ISM2: variants seen among roughly 807,000 people sequenced by gnomAD.
ISM2 encodes isthmin 2.
Under a neutral mutation model 58.0 loss-of-function variants are expected in ISM2, and 50 were observed. The observed-to-expected ratio is 0.86, with a 90% confidence interval of 0.69 to 1.09. ISM2 has a LOEUF of 1.09. Among genes scored for constraint, ISM2 ranks in the 50% least tolerant of loss-of-function variants. The probability of loss-of-function intolerance (pLI) is 0.00; values close to 1 mark genes in which losing one functional copy is unlikely to be tolerated. For synonymous variants in ISM2, 303 were observed against 312.4 expected (o/e 0.97, Z 0.32); for missense variants, 723 against 745.0 (o/e 0.97, Z 0.34).
chr14:77,490,619 CAGGCAG>C (rs2079197454), intron 1 of ISM2, among the ~76,000 whole-genome samples: 1 of 152,208 alleles, frequency 6.6e-6, no homozygotes, highest in African/African-American at 2.4e-5. Flanking sequence ...TTGCTAACTC[CAGGCAG>C]TGGCTGCACC....
chr14:77,496,658 G>A (rs536619597), intron 1 of ISM2, among the ~76,000 whole-genome samples: 2 of 151,776 alleles, frequency 1.3e-5, no homozygotes, highest in Non-Finnish European at 2.9e-5. Flanking sequence ...TTAGCCGGGC[G>A]TGGTGGCGTG....
In ISM2 at chr14:77,474,501, A is replaced by G. The variant is rs2079084253; in HGVS notation, c.*1094T>C. The G allele has an allele frequency of 6.6e-6, 1 of 152,232 alleles. No homozygotes were observed. Among genetic ancestry groups the G allele is most frequent in the Admixed American group, 6.5e-5 (1 of 15,274 alleles). The allele number at this position is 152,232 out of a possible 1,614,324, so 9.4% of individuals were successfully genotyped here. On this transcript the variant is annotated 3_prime_UTR_variant, in exon 7 of 7. Transcript: ENST00000342219. ...CTTTTGGTGGCTCTTGTGAACAGAG[A>G]CAGTTGAGACTTCAATATTTCAACC...
chr14:77,475,439 G>A lies in ISM2; in HGVS notation c.*156C>T, dbSNP rs534276128. The A allele has an allele frequency of 2.0e-4, 131 of 664,064 alleles. No individual in the cohort carries two copies. The highest frequency in any genetic ancestry group is 3.0e-4 in the Non-Finnish European group (121 of 406,248). 41.1% of individuals were successfully genotyped at this position (664,064 alleles called of 1,614,324 possible). On this transcript the variant is annotated 3_prime_UTR_variant, in exon 7 of 7. Transcript: ENST00000342219. This position sits in a 1 kb window ranked among gnomAD's most constrained non-coding sequence, Gnocchi z 4.1. ...CTAACCCCACTGAGATATCTGCTTCGGGGTCGCTGGCAGAGGGCACACAGC... is the reference window on the plus strand; with the variant it reads ...CTAACCCCACTGAGATATCTGCTTCAGGGTCGCTGGCAGAGGGCACACAGC...
Position 77,484,578 on chromosome 14 carries a change from G to A in ISM2, c.385-13C>T. 6.2e-7 allele frequency: 1 copy of A among 1,602,814 alleles called. No homozygotes were observed. The highest frequency in any genetic ancestry group is 8.5e-7 in the Non-Finnish European group (1 of 1,174,992). On this transcript the variant is annotated splice_polypyrimidine_tract_variant and intron_variant, in intron 2 of 6. Coordinates refer to ENST00000342219, the MANE Select transcript of ISM2 (RefSeq NM_199296.3). Reference sequence around the variant, plus strand: ...GGGAGGCTGAAGCCTGAGGAAGAGAGAGGGAAGGTGAGGTGACAGGTTAGG... The same window carrying A: ...GGGAGGCTGAAGCCTGAGGAAGAGAAAGGGAAGGTGAGGTGACAGGTTAGG...
chr14:77,492,655 C>T (rs1365357560), intron 1 of ISM2, among the ~76,000 whole-genome samples: 3 of 151,846 alleles, frequency 2.0e-5, no homozygotes, highest in Non-Finnish European at 4.4e-5. Flanking sequence ...GCACTATAGG[C>T]ATGCACTACC....
intron 4 of ISM2, among the ~76,000 whole-genome samples, chr14:77,479,126 G>A (rs1321292802): frequency 1.3e-5 from 2 of 152,072 alleles, no homozygotes; most frequent in African/African-American, 4.8e-5. Context: ...GAGTGCAATG[G>A]TGTGATCATA....
chr14:77,496,213 G>T (rs939190768), intron 1 of ISM2, among the ~76,000 whole-genome samples: 1 of 151,824 alleles, frequency 6.6e-6, no homozygotes, highest in East Asian at 1.9e-4. Flanking sequence ...ATTCAGCCGG[G>T]CATGGTGGCT....
At position 77,496,959 on chromosome 14, in the gene ISM2, G is replaced by A. The variant is rs1004920909; in HGVS notation, c.141+1694C>T. 9.9e-5 allele frequency among the ~76,000 whole-genome samples: 15 copies of A among 151,996 alleles called. No homozygotes were observed. The East Asian group carries it at 2.3e-3, about 24-fold the overall frequency. On this transcript the variant is annotated intron_variant, in intron 1 of 6. Coordinates refer to ENST00000342219, the MANE Select transcript of ISM2 (RefSeq NM_199296.3). ...AGCCAGTCTCCCCATTCCTTCCCAC[G>A]GCCTTTGGAGGGTTTCAGCAGTCTG...
chr14:77,487,684 G>A (rs1192228428), intron 1 of ISM2, among the ~76,000 whole-genome samples: 3 of 152,176 alleles, frequency 2.0e-5, no homozygotes, highest in Non-Finnish European at 2.9e-5. Context: ...ATCTTAGTTT[G>A]GGTTCTCTTG....
At chr14:77,480,295 A>C (rs12894526) in intron 4 of ISM2, among the ~76,000 whole-genome samples, 122,669 of 149,550 alleles carry the variant, frequency 0.82, 51,125 homozygotes, top group East Asian at 0.96. Context: ...ACAGTGAGAC[A>C]CTGTCTCAAA....
Position 77,498,522 on chromosome 14 carries a change from C to T in ISM2, c.141+131G>A, listed in dbSNP as rs1294329793. On this transcript the variant is annotated intron_variant, in intron 1 of 6. Coordinates refer to ENST00000342219, the MANE Select transcript of ISM2 (RefSeq NM_199296.3). ...GGTGTCCGGGAGCTTCCGGCCGGCC[C>T]CGGCCCCTCTCTCCATCGGGGGGTC... The T allele has an allele frequency of 1.1e-5, 15 of 1,333,364 alleles. No homozygotes were observed. In the Admixed American group the frequency reaches 2.4e-4, roughly 21 times the overall value. The allele number at this position is 1,333,364 out of a possible 1,614,324, so 82.6% of individuals were successfully genotyped here.
chr14:77,491,457 C>T (rs1467358533), intron 1 of ISM2, among the ~76,000 whole-genome samples: 3 of 152,188 alleles, frequency 2.0e-5, no homozygotes, highest in East Asian at 1.9e-4. Flanking sequence ...GGCATGACCT[C>T]GGCTCACCGC....
chr14:77,483,510 T>C (rs2079145816), intron 3 of ISM2, among the ~76,000 whole-genome samples: 2 of 149,820 alleles, frequency 1.3e-5, no homozygotes, highest in Non-Finnish European at 3.0e-5. Flanking sequence ...ATCATGCCAT[T>C]GCATTCCAGC....
In ISM2 at chr14:77,498,681, C is replaced by T. The variant is rs927754972; in HGVS notation, c.113G>A (p.Arg38Gln). 1 of 1,479,236 alleles carries T rather than the reference C, an allele frequency of 6.8e-7. No individual in the cohort carries two copies. Among genetic ancestry groups the T allele is most frequent in the East Asian group, 2.9e-5 (1 of 34,072 alleles). 91.6% of individuals were successfully genotyped at this position (1,479,236 alleles called of 1,614,324 possible). Residue 38 changes from arginine to glutamine, a missense_variant, in exon 1 of 7, where the codon CGG (arginine) becomes CAG (glutamine). Transcript: ENST00000342219. Reference protein sequence around the residue: ...PVKKPRLRGPRPGSLTRLAEV... With the variant: ...PVKKPRLRGPQPGSLTRLAEV... Reference sequence around the variant, plus strand: ...TGCGAGCCTCGTGAGGCTCCCAGGCCGTGGTCCGCGGAGCCGCGGCTTCTT... The same window carrying T: ...TGCGAGCCTCGTGAGGCTCCCAGGCTGTGGTCCGCGGAGCCGCGGCTTCTT...
At chr14:77,484,139 A>C in intron 3 of ISM2, 184 bp downstream of exon 3, 1 of 705,312 alleles carries the variant, frequency 1.4e-6, no homozygotes, top group South Asian at 2.0e-5. Context: ...CCACAGCTAG[A>C]AAGTAGAGGG....
rs1451317129 is a variant in ISM2 at position 77,482,333 on chromosome 14, G to A, written c.962C>T (p.Ser321Phe). 10 of 1,612,850 alleles carry A rather than the reference G, an allele frequency of 6.2e-6. No individual in the cohort carries two copies. Among genetic ancestry groups the A allele is most frequent in the Non-Finnish European group, 7.6e-6 (9 of 1,179,474 alleles). Residue 321 changes from serine (S) to phenylalanine (F), a missense_variant, in exon 4 of 7, where the codon TCT becomes TTT. Transcript: ENST00000342219. ...LAPGDWVFKD[S>F]VSYDYEPQKE... Reference sequence around the variant, plus strand: ...ATGGGGGTGCTCACCGTAGCTGACAGAATCCTTGAAGACCCAATCCCCGGG... The same window carrying A: ...ATGGGGGTGCTCACCGTAGCTGACAAAATCCTTGAAGACCCAATCCCCGGG...
chr14:77,482,318 T>C lies in ISM2; in HGVS notation c.973+4A>G. On this transcript the variant is annotated splice_donor_region_variant and intron_variant, in intron 4 of 6. Transcript: ENST00000342219. ...CCTGGGGATGCCAAGATGGGGGTGCTCACCGTAGCTGACAGAATCCTTGAA... is the reference window on the plus strand; with the variant it reads ...CCTGGGGATGCCAAGATGGGGGTGCCCACCGTAGCTGACAGAATCCTTGAA... 6.2e-7 allele frequency: 1 copy of C among 1,607,484 alleles called. No homozygotes were observed. The highest frequency in any genetic ancestry group is 8.5e-7 in the Non-Finnish European group (1 of 1,176,372).
intron 6 of ISM2, among the ~76,000 whole-genome samples, chr14:77,477,451 C>T (rs1394744899): frequency 1.3e-5 from 2 of 152,140 alleles, no homozygotes; most frequent in African/African-American, 4.8e-5. Context: ...GAAGGAGGAG[C>T]CTGGGAAATG....
At position 77,475,879 on chromosome 14, in the gene ISM2, A is replaced by T; in HGVS notation, c.1432T>A (p.Ser478Thr). Reference sequence around the variant, plus strand: ...GTGCTGCTCTCCCCAGACAGCATGGAACGCAGGCAGAAGCGCGCCGTGGGC... The same window carrying T: ...GTGCTGCTCTCCCCAGACAGCATGGTACGCAGGCAGAAGCGCGCCGTGGGC... Reference protein sequence around the residue: ...YQPTARFCLRSMLSGESSTLA... With the variant: ...YQPTARFCLRTMLSGESSTLA... Residue 478 changes from serine to threonine, a missense_variant, in exon 7 of 7, where the codon TCC becomes ACC. By Grantham distance (58) the Ser-to-Thr change is moderately conservative. Transcript: ENST00000342219. This position sits in a 1 kb window ranked among gnomAD's most constrained non-coding sequence, Gnocchi z 4.1. 2.5e-6 allele frequency: 4 copies of T among 1,606,710 alleles called. No individual in the cohort carries two copies. Among genetic ancestry groups the T allele is most frequent in the Non-Finnish European group, 3.4e-6 (4 of 1,179,892 alleles).
Sources: allele counts gnomAD v4.1 joint callset (sites outside exome capture counted in the v4.1 genomes callset), GRCh38; gene constraint gnomAD v4.1.1; non-coding constraint Gnocchi (gnomAD v3.1); transcripts MANE v1.5; gene names NCBI Gene and HGNC (gene_info 2026-07-23, HGNC 2026-07-21).